The following ADGRG4 variants were observed in gnomAD, a reference collection of about 807,000 sequenced individuals.
The protein encoded by ADGRG4 is G protein-coupled receptor 112.
Under a neutral mutation model 126.2 loss-of-function variants are expected in ADGRG4, and 122 were observed. The observed-to-expected ratio is 0.97, with a 90% confidence interval of 0.83 to 1.12. The LOEUF is 1.12. Ranked by LOEUF, ADGRG4 falls within the 50% of genes most tolerant of loss-of-function variation. The probability of loss-of-function intolerance (pLI) is 0.00; values close to 1 mark genes in which losing one functional copy is unlikely to be tolerated. For missense variants in ADGRG4, 2,481 were observed against 2,251.8 expected (o/e 1.10, Z -2.06); for synonymous variants, 943 against 838.7 (o/e 1.12, Z -2.15).
intron 23 of ADGRG4, among the ~76,000 whole-genome samples, chrX:136,409,048 G>GACACACACACACAC (rs71995144): frequency 1.1e-5 from 1 of 90,865 alleles, no homozygotes; most frequent in African/African-American, 4.1e-5. Flanking sequence ...TCAAATTCAA[G>GACACACACACACAC]ACACACACAC....
chrX:136,366,004 G>A (rs1427436566), intron 13 of ADGRG4, among the ~76,000 whole-genome samples: 1 of 112,197 alleles, frequency 8.9e-6, no homozygotes. Flanking sequence ...AGAGTGGTAT[G>A]TTTGTTACAA....
At chrX:136,385,370 C>T (rs895526379) in intron 15 of ADGRG4, among the ~76,000 whole-genome samples, 6 of 111,532 alleles carry the variant, frequency 5.4e-5, no homozygotes, top group African/African-American at 1.6e-4. Context: ...ATATGTATCC[C>T]GTAATATTAT....
chrX:136,388,854 G>A (rs1247723068), intron 16 of ADGRG4, among the ~76,000 whole-genome samples: 1 of 112,096 alleles, frequency 8.9e-6, no homozygotes, highest in Admixed American at 9.4e-5. Context: ...CTAAAAAGTG[G>A]CATAGCTAGG....
Position 136,345,226 on chromosome X carries a change from T to C in ADGRG4, c.1520T>C (p.Leu507Ser), listed in dbSNP as rs956244938. The change falls in exon 6 of 26, where the codon TTG becomes TCG. Residue 507 changes from leucine to serine, a missense_variant. Physicochemically the swap from Leu to Ser is moderately radical, Grantham distance 145. Coordinates refer to ENST00000394143, the MANE Select transcript of ADGRG4 (RefSeq NM_153834.4). Reference protein sequence around the residue: ...DMKIAFTVHSLTLPTRLIETT... With the variant: ...DMKIAFTVHSSTLPTRLIETT... Reference sequence around the variant, plus strand: ...AAAATAGCATTTACAGTCCATTCATTGACTCTCCCAACTAGGCTTATTGAG... The same window carrying C: ...AAAATAGCATTTACAGTCCATTCATCGACTCTCCCAACTAGGCTTATTGAG... The C allele has an allele frequency of 1.7e-6, 2 of 1,210,150 alleles. No individual in the cohort carries two copies. The highest frequency in any genetic ancestry group is 2.2e-6 in the Non-Finnish European group (2 of 894,127).
At chrX:136,303,081 G>T (rs1393105743) in intron 1 of ADGRG4, among the ~76,000 whole-genome samples, 1 of 111,846 alleles carries the variant, frequency 8.9e-6, no homozygotes, top group Non-Finnish European at 1.9e-5. Flanking sequence ...GGCACTTTGG[G>T]AGGCCAAGGT....
intron 5 of ADGRG4, among the ~76,000 whole-genome samples, chrX:136,334,266 A>G (rs771258655): frequency 1.1e-4 from 12 of 110,687 alleles, no homozygotes; most frequent in Non-Finnish European, 1.3e-4. Context: ...GCAAATTTTT[A>G]TGTGTCTATT....
At position 136,348,739 on chromosome X, in the gene ADGRG4, C is replaced by T. The variant is rs147903247; in HGVS notation, c.5033C>T (p.Ser1678Phe). 2.7e-5 allele frequency: 32 copies of T among 1,207,378 alleles called. No homozygotes were observed. The South Asian group carries it at 5.1e-4, about 19-fold the overall frequency. ...CCATTTGTAGGCACCACTGCCTTCT[C>T]TCCACTCAGTTCTAAGAGCACTGGA... ...VTPFVGTTAF[S>F]PLSSKSTGAI... is the part of the protein sequence containing the mutation. The change falls in exon 6 of 26, where the codon TCT (serine) becomes TTT (phenylalanine). Residue 1678 changes from serine (S) to phenylalanine (F), a missense_variant. Physicochemically the swap from Ser to Phe is radical, Grantham distance 155. Coordinates refer to ENST00000394143, the MANE Select transcript of ADGRG4 (RefSeq NM_153834.4).
At chrX:136,407,249 G>A (rs1386626935) in intron 23 of ADGRG4, among the ~76,000 whole-genome samples, 1 of 110,135 alleles carries the variant, frequency 9.1e-6, no homozygotes, top group East Asian at 2.8e-4. Flanking sequence ...AAAGTTCTAT[G>A]GTCAAATAAC....
In ADGRG4 at chrX:136,387,627, C is replaced by G. The variant is rs183927054; in HGVS notation, c.7777-113C>G. 13 of 664,831 alleles carry G rather than the reference C, an allele frequency of 2.0e-5. No homozygotes were observed. In the Admixed American group the frequency reaches 2.7e-4, roughly 14 times the overall value. The allele number at this position is 664,831 out of a possible 1,213,427, so 54.8% of individuals were successfully genotyped here. ...TATCATCGCTTATGGAGCTAGTTCC[C>G]ACCTTTCAGTCCTTTGGGTGATATT... is the stretch of plus-strand genomic sequence containing the variant. On this transcript the variant is annotated intron_variant, in intron 15 of 25. Transcript: ENST00000394143.
chrX:136,377,095 C>T (rs376523439), intron 15 of ADGRG4, among the ~76,000 whole-genome samples: 91 of 109,170 alleles, frequency 8.3e-4, no homozygotes, highest in Non-Finnish European at 1.6e-3. Context: ...AAATGTTTTC[C>T]GTATGACTTG....
At chrX:136,396,209 G>A (rs746832606) in intron 19 of ADGRG4, among the ~76,000 whole-genome samples, 1 of 109,353 alleles carries the variant, frequency 9.1e-6, no homozygotes, top group South Asian at 3.9e-4. Flanking sequence ...ACTCTCAAAT[G>A]TATTCCTTTT....
At chrX:136,391,146 G>T (rs150364723) in intron 16 of ADGRG4, among the ~76,000 whole-genome samples, 9 of 111,429 alleles carry the variant, frequency 8.1e-5, no homozygotes, top group Non-Finnish European at 1.5e-4. Flanking sequence ...TAGGTAGTAG[G>T]GACTGCACAC....
intron 8 of ADGRG4, among the ~76,000 whole-genome samples, chrX:136,353,798 C>T (rs1448506438): frequency 1.8e-5 from 2 of 111,891 alleles, no homozygotes; most frequent in African/African-American, 6.5e-5. Context: ...AAGAGAAATT[C>T]CAAAGTGAAC....
intron 25 of ADGRG4, among the ~76,000 whole-genome samples, chrX:136,416,042 C>T (rs2075473596): frequency 9.0e-6 from 1 of 111,632 alleles, no homozygotes; most frequent in Non-Finnish European, 1.9e-5. Context: ...AAAATCATGC[C>T]CTCTGTACCA....
chrX:136,413,746 G>GTTTT (rs1361897301), intron 24 of ADGRG4, among the ~76,000 whole-genome samples: 3 of 20,347 alleles, frequency 1.5e-4, no homozygotes, highest in South Asian at 1.9e-3. Context: ...TTTTGTTTTT[G>GTTTT]TTTTTTTTTT....
intron 13 of ADGRG4, among the ~76,000 whole-genome samples, chrX:136,366,127 C>T (rs1054776058): frequency 8.9e-6 from 1 of 112,013 alleles, no homozygotes; most frequent in Admixed American, 9.5e-5. Context: ...GACACGAATC[C>T]GCCATTACAG....
intron 16 of ADGRG4, among the ~76,000 whole-genome samples, chrX:136,388,603 C>A (rs759631663): frequency 9.0e-6 from 1 of 111,720 alleles, no homozygotes; most frequent in South Asian, 3.8e-4. Context: ...ACATAAGTAC[C>A]ATGTTAAGTG....
At chrX:136,380,743 T>C (rs745661145) in intron 15 of ADGRG4, among the ~76,000 whole-genome samples, 57 of 105,439 alleles carry the variant, frequency 5.4e-4, no homozygotes, top group African/African-American at 1.9e-3. Context: ...AGATGAGGTC[T>C]CTCTGTCACC....
At chrX:136,362,801 A>G (rs1343784052) in intron 12 of ADGRG4, among the ~76,000 whole-genome samples, 1 of 111,616 alleles carries the variant, frequency 9.0e-6, no homozygotes. Flanking sequence ...TGGTAGTTTG[A>G]TAGATTCAGT....
Sources: gnomAD v4.1 joint callset for allele counts (sites outside exome capture counted in the v4.1 genomes callset) on GRCh38, gnomAD v4.1.1 for gene constraint, MANE v1.5 for transcripts, NCBI Gene and HGNC (gene_info 2026-07-23, HGNC 2026-07-21) for gene names.